Variants in EPHB2 observed in about 807,000 individuals in gnomAD.
The protein encoded by EPHB2 is ephrin type-B receptor 2.
EPHB2 carries 18 observed loss-of-function variants against 96.4 expected under a neutral mutation model. The ratio of observed to expected loss-of-function variants is 0.19; its 90% confidence interval spans 0.13 to 0.28. The LOEUF is 0.28. EPHB2 is among the 10% of genes least tolerant of loss of function. The pLI, the probability that EPHB2 is intolerant of heterozygous loss-of-function variation, is 1.00. For missense variants in EPHB2, 989 were observed against 1,355.4 expected (o/e 0.73, Z 4.25); for synonymous variants, 506 against 534.1 (o/e 0.95, Z 0.72).
chr1:22,748,093 C>T (rs576437105), intron 1 of EPHB2, among the ~76,000 whole-genome samples: 1 of 152,340 alleles, frequency 6.6e-6, no homozygotes, highest in South Asian at 2.1e-4. Flanking sequence ...ATTTAATCCT[C>T]TCTGGCCTTA....
chr1:22,912,475 C>T lies in EPHB2; in HGVS notation c.2728C>T (p.Pro910Ser). ...INLPLLDRTI[P>S]DYTSFNTVDE... ...CCTGCCGCTGCTGGACCGCACGATCCCCGACTACACCAGCTTTAACACGGT... is the reference window on the plus strand; with the variant it reads ...CCTGCCGCTGCTGGACCGCACGATCTCCGACTACACCAGCTTTAACACGGT... Residue 910 changes from proline (P) to serine (S), a missense_variant, in exon 15 of 16, where the codon CCC becomes TCC. By Grantham distance (74) the Pro-to-Ser change is moderately conservative. Coordinates refer to ENST00000374630, the MANE Select transcript of EPHB2 (RefSeq NM_017449.5). 1 of 1,614,110 alleles carries T rather than the reference C, an allele frequency of 6.2e-7. No homozygotes were observed. Among genetic ancestry groups the T allele is most frequent in the Non-Finnish European group, 8.5e-7 (1 of 1,180,034 alleles).
intron 1 of EPHB2, among the ~76,000 whole-genome samples, chr1:22,730,337 T>G (rs1643680318): frequency 1.3e-5 from 2 of 152,172 alleles, no homozygotes; most frequent in African/African-American, 2.4e-5. Flanking sequence ...TTGTGGGCAC[T>G]TGGGTGGGAG....
chr1:22,838,074 G>T (rs536991253), intron 3 of EPHB2, among the ~76,000 whole-genome samples: 66 of 152,300 alleles, frequency 4.3e-4, no homozygotes, highest in Admixed American at 1.2e-3. Flanking sequence ...AAACTTAAGA[G>T]CTAGTTAGTA....
At chr1:22,836,902 G>C (rs186570645) in intron 3 of EPHB2, 8 of 152,368 alleles carry the variant, frequency 5.3e-5, no homozygotes, top group Non-Finnish European at 7.3e-5. Flanking sequence ...CACAGGCTCA[G>C]GAGGTAGACA....
rs1268642272 is a variant in EPHB2 at position 22,920,287 on chromosome 1, G to A, written c.*6717G>A. 1 of 152,284 alleles carries A rather than the reference G, an allele frequency of 6.6e-6. No individual in the cohort carries two copies. Among genetic ancestry groups the A allele is most frequent in the African/African-American group, 2.4e-5 (1 of 41,466 alleles). The allele number at this position is 152,284 out of a possible 1,614,324, so 9.4% of individuals were successfully genotyped here. On this transcript the variant is annotated 3_prime_UTR_variant, in exon 16 of 16. Transcript: ENST00000374630. ...AGCAGGGCCCCACTGGCTCAGTCTG[G>A]GGAGGGACTCATCTGGGGTGGAATT...
At chr1:22,781,580 C>A (rs1270168694) in intron 2 of EPHB2, 95 bp downstream of exon 2, 13 of 1,306,092 alleles carry the variant, frequency 1.0e-5, no homozygotes, top group South Asian at 1.2e-5. Flanking sequence ...AACCCCTTTC[C>A]CCCTCTTCAG....
intron 1 of EPHB2, chr1:22,774,705 A>G: frequency 1.3e-6 from 1 of 778,526 alleles, no homozygotes; most frequent in Non-Finnish European, 1.6e-6. Flanking sequence ...TTGATCCTTC[A>G]GGCAGCAGGA....
Position 22,781,442 on chromosome 1 carries a change from C to T in EPHB2, c.83C>T (p.Thr28Ile). 6.2e-7 allele frequency: 1 copy of T among 1,614,104 alleles called. No homozygotes were observed. Among genetic ancestry groups the T allele is most frequent in the Non-Finnish European group, 8.5e-7 (1 of 1,180,010 alleles). The change falls in exon 2 of 16, where the codon ACA (threonine) becomes ATA (isoleucine). Residue 28 changes from threonine to isoleucine, a missense_variant. Coordinates refer to ENST00000374630, the MANE Select transcript of EPHB2 (RefSeq NM_017449.5). The part of the protein sequence containing the change: ...AVEETLMDST[T>I]ATAELGWMVH... ...ACAGAAACGCTAATGGACTCCACTA[C>T]AGCGACTGCTGAGCTGGGCTGGATG...
At chr1:22,802,006 T>G (rs1644850782) in intron 3 of EPHB2, among the ~76,000 whole-genome samples, 1 of 152,106 alleles carries the variant, frequency 6.6e-6, no homozygotes, top group African/African-American at 2.4e-5. Context: ...CTGCTTGTCA[T>G]GCTGGGCCCT....
intron 5 of EPHB2, among the ~76,000 whole-genome samples, chr1:22,869,408 A>T (rs1262478845): frequency 5.3e-5 from 8 of 152,034 alleles, no homozygotes; most frequent in African/African-American, 1.9e-4. Context: ...TACATACAAG[A>T]TGGCATGGAT....
intron 3 of EPHB2, among the ~76,000 whole-genome samples, chr1:22,856,852 T>C (rs1406871737): frequency 6.6e-6 from 1 of 152,246 alleles, no homozygotes; most frequent in East Asian, 1.9e-4. Flanking sequence ...ATAATAGCCA[T>C]TTACATGGCA....
rs186789840 is a variant in EPHB2, at chr1:22,891,669, A to G, written c.1429-1215A>G. 3.2e-3 allele frequency among the ~76,000 whole-genome samples: 480 copies of G among 152,336 alleles called. 5 individuals are homozygous for G. Among genetic ancestry groups the G allele is most frequent in the African/African-American group, 0.011 (445 of 41,582 alleles). ...TAGATTCCTTGGATCGCCCTGGGTAACATTCAGGAAGCCAAAATTGGTGTT... is the reference window on the plus strand; with the variant it reads ...TAGATTCCTTGGATCGCCCTGGGTAGCATTCAGGAAGCCAAAATTGGTGTT... On this transcript the variant is annotated intron_variant, in intron 6 of 15. Transcript: ENST00000374630.
At chr1:22,878,222 G>A (rs549283437) in intron 5 of EPHB2, among the ~76,000 whole-genome samples, 1 of 152,170 alleles carries the variant, frequency 6.6e-6, no homozygotes, top group African/African-American at 2.4e-5. Flanking sequence ...TGTGAACGGA[G>A]CAGCCTCTGC....
rs1162185276 is a variant in EPHB2, at chr1:22,803,757, A to C, written c.811+18681A>C. 4.6e-5 allele frequency among the ~76,000 whole-genome samples: 7 copies of C among 150,682 alleles called. No homozygotes were observed. The East Asian group carries it at 1.2e-3, about 25-fold the overall frequency. On this transcript the variant is annotated intron_variant, in intron 3 of 15. Coordinates refer to ENST00000374630, the MANE Select transcript of EPHB2 (RefSeq NM_017449.5). ...TGTGTGTGTGTGTATATATATATATATATAAATTAGCTGGGGTGTGACGAT... is the reference window on the plus strand; with the variant it reads ...TGTGTGTGTGTGTATATATATATATCTATAAATTAGCTGGGGTGTGACGAT...
chr1:22,804,151 A>G (rs896984788), intron 3 of EPHB2, among the ~76,000 whole-genome samples: 7 of 152,164 alleles, frequency 4.6e-5, no homozygotes, highest in African/African-American at 1.4e-4. Context: ...TACACTCAGG[A>G]CCGCATTAGA....
intron 3 of EPHB2, among the ~76,000 whole-genome samples, chr1:22,857,710 A>G (rs1387883532): frequency 6.6e-6 from 1 of 152,124 alleles, no homozygotes; most frequent in African/African-American, 2.4e-5. Flanking sequence ...CAAGATCGGG[A>G]TGACTCTGGT....
In EPHB2 at chr1:22,918,016, G is replaced by A. The variant is rs1640311551; in HGVS notation, c.*4446G>A. On this transcript the variant is annotated 3_prime_UTR_variant, in exon 16 of 16. Coordinates refer to ENST00000374630, the MANE Select transcript of EPHB2 (RefSeq NM_017449.5). This position sits in a 1 kb window ranked among gnomAD's most constrained non-coding sequence, Gnocchi z 4.2. ...AAGGTTGATATAAGTGGAGGTTGAG[G>A]CAGTTTAGGCGTGATGTACAGTCCA... 1 of 152,402 alleles carries A rather than the reference G, an allele frequency of 6.6e-6. No individual in the cohort carries two copies. The highest frequency in any genetic ancestry group is 6.5e-5 in the Admixed American group (1 of 15,270). The allele number at this position is 152,402 out of a possible 1,614,324, so 9.4% of individuals were successfully genotyped here.
Position 22,913,662 on chromosome 1 carries a change from A to G in EPHB2, c.*92A>G. 1.2e-6 allele frequency: 2 copies of G among 1,603,408 alleles called. No individual in the cohort carries two copies. Among genetic ancestry groups the G allele is most frequent in the Non-Finnish European group, 1.7e-6 (2 of 1,175,132 alleles). On this transcript the variant is annotated 3_prime_UTR_variant, in exon 16 of 16. Transcript: ENST00000374630. This position sits in a 1 kb window ranked among gnomAD's most constrained non-coding sequence, Gnocchi z 4.1. ...CTGGTGCTCTATCCACTGCAGGGCC[A>G]GCCACTCGCCAGGAGGCCACGGGCC...
intron 14 of EPHB2, among the ~76,000 whole-genome samples, chr1:22,911,934 T>C (rs1640116569): frequency 6.6e-6 from 1 of 152,118 alleles, no homozygotes; most frequent in African/African-American, 2.4e-5. Context: ...AAGAAGTCAT[T>C]CCCATTAGCG....
Sources: gnomAD v4.1 joint callset for allele counts (sites outside exome capture counted in the v4.1 genomes callset) on GRCh38, gnomAD v4.1.1 for gene constraint, Gnocchi (gnomAD v3.1) non-coding constraint, MANE v1.5 for transcripts, NCBI Gene and HGNC (gene_info 2026-07-23, HGNC 2026-07-21) for gene names.